Variants in MAP3K7 observed in about 807,000 individuals in gnomAD.
MAP3K7 encodes mitogen-activated protein kinase kinase kinase 7.
MAP3K7 carries 21 observed loss-of-function variants against 84.8 expected under a neutral mutation model. That is an observed-to-expected ratio of 0.25 (90% confidence interval 0.18 to 0.36). The LOEUF is 0.36. MAP3K7 is among the 10% of genes least tolerant of loss of function. The probability of loss-of-function intolerance (pLI) is 1.00; values close to 1 mark genes in which losing one functional copy is unlikely to be tolerated. For synonymous variants in MAP3K7, 241 were observed against 247.7 expected, an observed-to-expected ratio of 0.97 and a Z score of 0.25; for missense variants, 503 against 747.7, an observed-to-expected ratio of 0.67 and a Z score of 3.82.
rs1582200961 is a variant in MAP3K7, at chr6:90,550,633, T to C, written c.868-84A>G. The C allele has an allele frequency of 1.1e-5, 9 of 809,136 alleles. No individual in the cohort carries two copies. The East Asian group carries it at 2.4e-4, about 21-fold the overall frequency. The allele number at this position is 809,136 out of a possible 1,614,324, so 50.1% of individuals were successfully genotyped here. A position where few individuals can be genotyped will look rare whatever the true frequency, so the allele number is the denominator to read the frequency against. ...TTAATGTTTTATTTTCCCTAAGTTATATACTAAATTTGTAGGTGCCTAAGT... is the reference window on the plus strand; with the variant it reads ...TTAATGTTTTATTTTCCCTAAGTTACATACTAAATTTGTAGGTGCCTAAGT... On this transcript the variant is annotated intron_variant, in intron 8 of 16. Coordinates refer to ENST00000369329, the MANE Select transcript of MAP3K7 (RefSeq NM_145331.3).
intron 9 of MAP3K7, among the ~76,000 whole-genome samples, chr6:90,548,542 T>A (rs902605616): frequency 1.3e-5 from 2 of 152,062 alleles, no homozygotes; most frequent in African/African-American, 2.4e-5. Context: ...TTCTAGTAGA[T>A]GTAAAGGAAA....
rs1776248189 is a variant in MAP3K7, at chr6:90,553,606, T to C, written c.608-20A>G. On this transcript the variant is annotated intron_variant, in intron 6 of 16. Coordinates refer to ENST00000369329, the MANE Select transcript of MAP3K7 (RefSeq NM_145331.3). ...TACTACCTAGAAAAAAAAAAGGTAG[T>C]ATATAACCTAAAGACTATTTTTCCA... is the stretch of plus-strand genomic sequence containing the variant. 6.3e-7 allele frequency: 1 copy of C among 1,590,664 alleles called. No individual in the cohort carries two copies. The highest frequency in any genetic ancestry group is 8.5e-7 in the Non-Finnish European group (1 of 1,171,046).
intron 1 of MAP3K7, among the ~76,000 whole-genome samples, chr6:90,580,774 T>C (rs1777242912): frequency 6.6e-6 from 1 of 152,222 alleles, no homozygotes; most frequent in African/African-American, 2.4e-5. Flanking sequence ...TCATAATCCT[T>C]CATTTGTAAA....
chr6:90,543,785 T>C (rs1454717161), intron 12 of MAP3K7, among the ~76,000 whole-genome samples: 3 of 152,078 alleles, frequency 2.0e-5, no homozygotes, highest in African/African-American at 4.8e-5. Flanking sequence ...ATTTTGATAA[T>C]ACATTAATCA....
intron 2 of MAP3K7, among the ~76,000 whole-genome samples, chr6:90,570,274 C>G (rs942774586): frequency 1.3e-5 from 2 of 152,052 alleles, no homozygotes; most frequent in African/African-American, 4.8e-5. Flanking sequence ...ATAGAGCAGA[C>G]CTAGAAGAGC....
chr6:90,570,598 T>C (rs924914154), intron 2 of MAP3K7, among the ~76,000 whole-genome samples: 1 of 152,076 alleles, frequency 6.6e-6, no homozygotes, highest in African/African-American at 2.4e-5. Flanking sequence ...AGCAGAAAAT[T>C]AGATTGGAGG....
At chr6:90,582,794 A>G (rs774881377) in intron 1 of MAP3K7, among the ~76,000 whole-genome samples, 36 of 151,852 alleles carry the variant, frequency 2.4e-4, no homozygotes, top group African/African-American at 8.7e-4. Flanking sequence ...TTTGTGGTCT[A>G]TAGTTAACTG....
chr6:90,539,709 G>C (rs562854414), intron 12 of MAP3K7, among the ~76,000 whole-genome samples: 2 of 151,824 alleles, frequency 1.3e-5, no homozygotes, highest in South Asian at 4.1e-4. Flanking sequence ...ATAGTGCTCA[G>C]GTGTCCTTGA....
At chr6:90,527,749 C>A (rs1775369069) in intron 13 of MAP3K7, among the ~76,000 whole-genome samples, 1 of 151,794 alleles carries the variant, frequency 6.6e-6, no homozygotes, top group Non-Finnish European at 1.5e-5. Context: ...GGTGGGTTCA[C>A]AAGTGCTCAT....
chr6:90,556,637 A>AT lies in MAP3K7; in HGVS notation c.483-14_483-13insA. On this transcript the variant is annotated splice_polypyrimidine_tract_variant and intron_variant, in intron 5 of 16. Coordinates refer to ENST00000369329, the MANE Select transcript of MAP3K7 (RefSeq NM_145331.3). ...AACCAGCAGTAAGCTGTTTAAAAAA[A>AT]AACAAAAAACATCAAAAGTTACAAG... 3 of 1,573,984 alleles carry AT rather than the reference A, an allele frequency of 1.9e-6. No individual in the cohort carries two copies. The highest frequency in any genetic ancestry group is 2.6e-6 in the Non-Finnish European group (3 of 1,167,356).
At chr6:90,578,335 C>T (rs911169403) in intron 1 of MAP3K7, among the ~76,000 whole-genome samples, 17 of 152,202 alleles carry the variant, frequency 1.1e-4, no homozygotes, top group African/African-American at 1.7e-4. Flanking sequence ...TGCAGTGGCG[C>T]GATCTCAGCT....
In MAP3K7 at chr6:90,515,316, T is replaced by C. The variant is rs1349656199; in HGVS notation, c.*1185A>G. ...TGTATAGTCTATTATTTCAGTGTCATTTTATTATTAAAGTTATTCTGAAGG... is the reference window on the plus strand; with the variant it reads ...TGTATAGTCTATTATTTCAGTGTCACTTTATTATTAAAGTTATTCTGAAGG... On this transcript the variant is annotated 3_prime_UTR_variant, in exon 17 of 17. Transcript: ENST00000369329. 5 of 152,172 alleles carry C rather than the reference T, an allele frequency of 3.3e-5. No homozygotes were observed. The highest frequency in any genetic ancestry group is 6.6e-5 in the Admixed American group (1 of 15,266). The allele number at this position is 152,172 out of a possible 1,614,324, so 9.4% of individuals were successfully genotyped here.
chr6:90,533,085 A>C (rs1775558297), intron 13 of MAP3K7, among the ~76,000 whole-genome samples: 1 of 152,228 alleles, frequency 6.6e-6, no homozygotes, highest in Non-Finnish European at 1.5e-5. Context: ...AATTAGGTGA[A>C]AAAGTACCAA....
chr6:90,524,101 TC>T lies in MAP3K7; in HGVS notation c.1357-319del, dbSNP rs1235399497. Among the ~76,000 whole-genome samples the T allele has an allele frequency of 2.0e-4, 30 of 152,152 alleles. 1 individual carries two copies. The highest frequency in any genetic ancestry group is 4.1e-4 in the Non-Finnish European group (28 of 68,032). ...CACCAATGGCCTAGAGCTACTGTTT[TC>T]ACAGGCTGCTGCACTCAGAGGAATG... On this transcript the variant is annotated intron_variant, in intron 13 of 16. Coordinates refer to ENST00000369329, the MANE Select transcript of MAP3K7 (RefSeq NM_145331.3).
chr6:90,523,390 G>T (rs1775216471), intron 14 of MAP3K7, among the ~76,000 whole-genome samples: 2 of 151,478 alleles, frequency 1.3e-5, no homozygotes, highest in South Asian at 4.2e-4. Context: ...ATCACAGGCT[G>T]AAGTATCAAG....
intron 6 of MAP3K7, among the ~76,000 whole-genome samples, chr6:90,554,641 G>GC (rs1256810050): frequency 4.6e-5 from 7 of 152,158 alleles, no homozygotes; most frequent in Admixed American, 2.0e-4. Context: ...CTAACAGTCT[G>GC]CATTTTGTTG....
chr6:90,580,503 T>C (rs1777233576), intron 1 of MAP3K7, among the ~76,000 whole-genome samples: 2 of 152,222 alleles, frequency 1.3e-5, no homozygotes, highest in Admixed American at 6.5e-5. Context: ...AAATTTTTTA[T>C]AGAGACAGGG....
intron 13 of MAP3K7, among the ~76,000 whole-genome samples, chr6:90,534,277 A>T (rs1775595771): frequency 6.6e-6 from 1 of 152,194 alleles, no homozygotes; most frequent in South Asian, 2.1e-4. Context: ...TGAGTAATTT[A>T]AAAGATTTAA....
chr6:90,523,668 G>A lies in MAP3K7; in HGVS notation c.1462+10C>T. 1 of 1,585,196 alleles carries A rather than the reference G, an allele frequency of 6.3e-7. No homozygotes were observed. On this transcript the variant is annotated intron_variant, in intron 14 of 16. Coordinates refer to ENST00000369329, the MANE Select transcript of MAP3K7 (RefSeq NM_145331.3). Reference sequence around the variant, plus strand: ...TCAACTTCATAAGTATGAAGAAACAGACTGGTCACCTGTGGAATCATCAGG... The same window carrying A: ...TCAACTTCATAAGTATGAAGAAACAAACTGGTCACCTGTGGAATCATCAGG...
Sources: gnomAD v4.1 joint callset for allele counts (sites outside exome capture counted in the v4.1 genomes callset) on GRCh38, gnomAD v4.1.1 for gene constraint, MANE v1.5 for transcripts, NCBI Gene and HGNC (gene_info 2026-07-23, HGNC 2026-07-21) for gene names.